CXorf58: variants seen among roughly 807,000 people sequenced by gnomAD.
CXorf58 encodes the protein uncharacterized protein CXorf58.
CXorf58 carries 24 observed loss-of-function variants against 26.0 expected under a neutral mutation model. That is an observed-to-expected ratio of 0.92 (90% CI 0.67 to 1.30). The LOEUF is 1.30. Ranked by LOEUF, CXorf58 falls within the 50% of genes most tolerant of loss-of-function variation. CXorf58 has a pLI of 0.00. For missense variants in CXorf58, 236 were observed against 263.9 expected, an observed-to-expected ratio of 0.89 and a Z score of 0.73; for synonymous variants, 87 against 86.1, an observed-to-expected ratio of 1.01 and a Z score of -0.06.
At chrX:23,915,351 G>A (rs1463537955) in intron 3 of CXorf58, among the ~76,000 whole-genome samples, 1 of 111,765 alleles carries the variant, frequency 8.9e-6, no homozygotes, top group South Asian at 3.7e-4. Flanking sequence ...GGAATATAGT[G>A]GTAAAGAGAA....
chrX:23,929,405 CAAA>C (rs1169185534), intron 6 of CXorf58, among the ~76,000 whole-genome samples: 3 of 36,464 alleles, frequency 8.2e-5, no homozygotes, highest in Non-Finnish European at 1.8e-4. Flanking sequence ...GACTGTGTCT[CAAA>C]AAAAAAAAAA....
chrX:23,933,961 G>A (rs1928231172), intron 6 of CXorf58, among the ~76,000 whole-genome samples: 1 of 109,017 alleles, frequency 9.2e-6, no homozygotes, highest in Non-Finnish European at 1.9e-5. Flanking sequence ...TGGAGCCCAG[G>A]AGGTTGAGGC....
intron 2 of CXorf58, among the ~76,000 whole-genome samples, chrX:23,911,200 C>T (rs1233409766): frequency 3.6e-5 from 4 of 111,083 alleles, no homozygotes; most frequent in Admixed American, 1.9e-4. Flanking sequence ...GAGGAGACCC[C>T]TACAATCTGC....
At chrX:23,912,465 C>T (rs1000451000) in intron 3 of CXorf58, among the ~76,000 whole-genome samples, 8 of 111,099 alleles carry the variant, frequency 7.2e-5, no homozygotes, top group African/African-American at 2.3e-4. Flanking sequence ...TAAAAAGCTC[C>T]GAATCTGCAA....
At position 23,937,338 on chromosome X, in the gene CXorf58, G is replaced by A. The variant is rs1928316294; in HGVS notation, c.786-1209G>A. ...TCAACACCCATCAGTCATTGGTTAA[G>A]GGTTGCTTAGGAAGGGACATATTAA... On this transcript the variant is annotated intron_variant, in intron 7 of 8. Coordinates refer to ENST00000379211, the MANE Select transcript of CXorf58 (RefSeq NM_152761.3). 2.7e-5 allele frequency among the ~76,000 whole-genome samples: 3 copies of A among 111,638 alleles called. No individual in the cohort carries two copies. The East Asian group carries it at 8.3e-4, about 31-fold the overall frequency.
intron 4 of CXorf58, among the ~76,000 whole-genome samples, chrX:23,916,009 C>T (rs907161253): frequency 8.1e-5 from 9 of 111,739 alleles, no homozygotes; most frequent in Non-Finnish European, 1.3e-4. Context: ...TGTATTCAGT[C>T]TTACACAGGT....
At chrX:23,920,385 A>G (rs1001904584) in intron 5 of CXorf58, among the ~76,000 whole-genome samples, 4 of 112,198 alleles carry the variant, frequency 3.6e-5, no homozygotes, top group Admixed American at 1.9e-4. Flanking sequence ...CCCTGGCAAG[A>G]TCCCCCTTCT....
chrX:23,921,060 T>C (rs1446356315), intron 5 of CXorf58, among the ~76,000 whole-genome samples: 2 of 111,214 alleles, frequency 1.8e-5, no homozygotes, highest in Non-Finnish European at 3.8e-5. Context: ...AGCTTGTAGT[T>C]ACCCCTATAA....
At chrX:23,926,785 C>T (rs1928022866) in intron 5 of CXorf58, among the ~76,000 whole-genome samples, 1 of 112,099 alleles carries the variant, frequency 8.9e-6, no homozygotes, top group Admixed American at 9.5e-5. Context: ...TTTGGGAGGC[C>T]GAGGTGAGCG....
chrX:23,916,413 T>C, intron 5 of CXorf58, 85 bp downstream of exon 5: 2 of 582,060 alleles, frequency 3.4e-6, no homozygotes, highest in Non-Finnish European at 2.7e-6. Context: ...TTATACAGAA[T>C]AAGTTATTTC....
At position 23,935,185 on chromosome X, in the gene CXorf58, T is replaced by C. The variant is rs1569256096; in HGVS notation, c.556-11T>C. On this transcript the variant is annotated splice_polypyrimidine_tract_variant and intron_variant, in intron 6 of 8. Transcript: ENST00000379211. ...CTGGCCAACTTAATCGTTCTTGTTT[T>C]TTCCCTACAGTATCGCAGTTTTTTC... The C allele has an allele frequency of 8.4e-7, 1 of 1,190,133 alleles. No homozygotes were observed. Among genetic ancestry groups the C allele is most frequent in the Non-Finnish European group, 1.1e-6 (1 of 878,713 alleles).
In CXorf58 at chrX:23,908,102, G is replaced by A. The variant is rs1927460778; in HGVS notation, c.-248G>A. 1 of 129,388 alleles carries A rather than the reference G, an allele frequency of 7.7e-6. No homozygotes were observed. Among genetic ancestry groups the A allele is most frequent in the Non-Finnish European group, 1.6e-5 (1 of 64,185 alleles). The allele number at this position is 129,388 out of a possible 1,213,427, so 10.7% of individuals were successfully genotyped here. The stretch of plus-strand genomic sequence containing the variant: ...GCGGCGACTGGGCGCCCAGCGGCGT[G>A]TACTGGGATTTCTGTGAGCAGAGGC... On this transcript the variant is annotated 5_prime_UTR_variant, in exon 1 of 9. Coordinates refer to ENST00000379211, the MANE Select transcript of CXorf58 (RefSeq NM_152761.3).
chrX:23,926,762 T>A (rs1247009396), intron 5 of CXorf58, among the ~76,000 whole-genome samples: 1 of 112,624 alleles, frequency 8.9e-6, no homozygotes, highest in African/African-American at 3.2e-5. Flanking sequence ...GGCTCACGCC[T>A]ATAATCCCGC....
chrX:23,939,037 T>A (rs1480660130), intron 8 of CXorf58, among the ~76,000 whole-genome samples: 1 of 111,972 alleles, frequency 8.9e-6, no homozygotes. Flanking sequence ...TCTAAACTTA[T>A]TAAGAACTAT....
intron 5 of CXorf58, among the ~76,000 whole-genome samples, chrX:23,923,192 C>T (rs1378988468): frequency 1.8e-5 from 2 of 111,846 alleles, no homozygotes; most frequent in Non-Finnish European, 3.8e-5. Context: ...AAACATTTCT[C>T]AAACCCCTCT....
intron 3 of CXorf58, among the ~76,000 whole-genome samples, chrX:23,912,479 G>A (rs1272262869): frequency 9.0e-6 from 1 of 111,025 alleles, no homozygotes; most frequent in African/African-American, 3.3e-5. Flanking sequence ...TCTGCAAGGT[G>A]CAGCATCTCA....
chrX:23,917,484 C>T (rs1927759452), intron 5 of CXorf58, among the ~76,000 whole-genome samples: 1 of 110,303 alleles, frequency 9.1e-6, no homozygotes, highest in African/African-American at 3.3e-5. Context: ...ATGGTGCGAT[C>T]TCAGCTCACC....
chrX:23,929,371 A>G (rs189748046), intron 6 of CXorf58, among the ~76,000 whole-genome samples: 85 of 101,206 alleles, frequency 8.4e-4, no homozygotes, highest in African/African-American at 3.2e-3. Flanking sequence ...GCGCCACTGC[A>G]CTCCAGTCTG....
intron 1 of CXorf58, among the ~76,000 whole-genome samples, chrX:23,910,024 G>A (rs1470559982): frequency 8.9e-6 from 1 of 111,763 alleles, no homozygotes; most frequent in African/African-American, 3.3e-5. Flanking sequence ...GGTGTAGTGT[G>A]GAAGATGAAT....
Sources: gnomAD v4.1 joint callset for allele counts (sites outside exome capture counted in the v4.1 genomes callset) on GRCh38, gnomAD v4.1.1 for gene constraint, MANE v1.5 for transcripts, NCBI Gene and HGNC (gene_info 2026-07-23, HGNC 2026-07-21) for gene names.